Variants in SLC9A9 observed in about 807,000 individuals in gnomAD.
The protein encoded by SLC9A9 is sodium/hydrogen exchanger 9.
Under a neutral mutation model 77.8 loss-of-function variants are expected in SLC9A9, and 62 were observed. The observed-to-expected ratio is 0.80, with a 90% confidence interval of 0.65 to 0.98. The LOEUF is 0.98. SLC9A9 is among the 50% of genes least tolerant of loss of function. The pLI is 0.00. For synonymous variants in SLC9A9, 320 were observed against 283.5 expected, an observed-to-expected ratio of 1.13 and a Z score of -1.29; for missense variants, 775 against 774.9, an observed-to-expected ratio of 1.00 and a Z score of 0.00.
intron 9 of SLC9A9, among the ~76,000 whole-genome samples, chr3:143,499,033 GTGCCA>G (rs1424918326): frequency 2.0e-5 from 3 of 152,190 alleles, no homozygotes; most frequent in African/African-American, 7.2e-5. Flanking sequence ...TTGGGACATA[GTGCCA>G]TGCAGTTTCC....
At chr3:143,275,742 T>C (rs150310723) in intron 14 of SLC9A9, among the ~76,000 whole-genome samples, 2 of 152,336 alleles carry the variant, frequency 1.3e-5, no homozygotes, top group East Asian at 3.9e-4. Flanking sequence ...TGTTATAATT[T>C]TGATTTGTTT....
intron 9 of SLC9A9, among the ~76,000 whole-genome samples, chr3:143,526,407 G>C (rs2036406475): frequency 6.6e-6 from 1 of 152,206 alleles, no homozygotes; most frequent in Non-Finnish European, 1.5e-5. Context: ...CAAGAAAAGA[G>C]GTGGTAATAG....
At chr3:143,504,274 G>A (rs1181817722) in intron 9 of SLC9A9, 5 of 227,966 alleles carry the variant, frequency 2.2e-5, no homozygotes, top group Admixed American at 2.0e-4. Flanking sequence ...CCTTCACCAT[G>A]GTGTCTCAGG....
chr3:143,472,347 C>T (rs1319616017), intron 11 of SLC9A9, among the ~76,000 whole-genome samples: 5 of 152,168 alleles, frequency 3.3e-5, no homozygotes, highest in Admixed American at 2.6e-4. Context: ...TCGTGAGCAT[C>T]GTCATGAACT....
chr3:143,606,030 T>C (rs2037916352), intron 6 of SLC9A9, among the ~76,000 whole-genome samples: 1 of 152,222 alleles, frequency 6.6e-6, no homozygotes, highest in Admixed American at 6.5e-5. Flanking sequence ...TGGGTGCTGC[T>C]TTAACTGACC....
intron 12 of SLC9A9, among the ~76,000 whole-genome samples, chr3:143,386,034 C>T (rs904347369): frequency 4.6e-5 from 7 of 152,208 alleles, no homozygotes; most frequent in Non-Finnish European, 1.0e-4. Context: ...ACCCTGCCTT[C>T]TTTCCTGAAC....
intron 2 of SLC9A9, among the ~76,000 whole-genome samples, chr3:143,806,305 G>A (rs2008712034): frequency 1.3e-5 from 2 of 151,920 alleles, no homozygotes; most frequent in Non-Finnish European, 1.5e-5. Context: ...ATTCCAAACC[G>A]GCCACTCTCT....
intron 14 of SLC9A9, among the ~76,000 whole-genome samples, chr3:143,278,835 A>T (rs1283661687): frequency 6.6e-6 from 1 of 152,102 alleles, no homozygotes; most frequent in Non-Finnish European, 1.5e-5. Flanking sequence ...AAGTAATCCC[A>T]AGTTTTCTGT....
At chr3:143,345,300 G>C (rs2032228726) in intron 14 of SLC9A9, among the ~76,000 whole-genome samples, 1 of 152,134 alleles carries the variant, frequency 6.6e-6, no homozygotes, top group Non-Finnish European at 1.5e-5. Flanking sequence ...ATTAATTCCA[G>C]CATTGAATGG....
At chr3:143,424,110 G>A (rs2034359980) in intron 12 of SLC9A9, among the ~76,000 whole-genome samples, 1 of 152,168 alleles carries the variant, frequency 6.6e-6, no homozygotes, top group Non-Finnish European at 1.5e-5. Context: ...TTAAAGGGCT[G>A]AGTGAACATG....
chr3:143,813,822 A>C (rs1195706841), intron 2 of SLC9A9, among the ~76,000 whole-genome samples: 1 of 152,180 alleles, frequency 6.6e-6, no homozygotes. Context: ...AGGCCATGTG[A>C]ATGTATTACC....
intron 5 of SLC9A9, among the ~76,000 whole-genome samples, chr3:143,661,884 G>T (rs927050845): frequency 2.0e-5 from 3 of 151,786 alleles, no homozygotes; most frequent in Non-Finnish European, 2.9e-5. Context: ...TCCTGTTGGA[G>T]TTGTTCTACT....
chr3:143,308,476 T>C (rs1331788744), intron 14 of SLC9A9, among the ~76,000 whole-genome samples: 1 of 151,630 alleles, frequency 6.6e-6, no homozygotes, highest in Non-Finnish European at 1.5e-5. Context: ...CTTGGGAGGC[T>C]GAGGCAGGAG....
At chr3:143,473,679 T>C (rs1369320836) in intron 11 of SLC9A9, among the ~76,000 whole-genome samples, 2 of 152,238 alleles carry the variant, frequency 1.3e-5, no homozygotes, top group African/African-American at 4.8e-5. Context: ...TAAATCATAG[T>C]CTGAAATGAA....
chr3:143,674,940 G>T lies in SLC9A9; in HGVS notation c.649+18252C>A, dbSNP rs1011607445. Reference sequence around the variant, plus strand: ...TCATTCAGTTTTTATATTCATCGGGGCTGTGGACTAGTGCTACTAGCATCA... The same window carrying T: ...TCATTCAGTTTTTATATTCATCGGGTCTGTGGACTAGTGCTACTAGCATCA... On this transcript the variant is annotated intron_variant, in intron 5 of 15. Coordinates refer to ENST00000316549, the MANE Select transcript of SLC9A9 (RefSeq NM_173653.4). 2.0e-5 allele frequency among the ~76,000 whole-genome samples: 3 copies of T among 152,034 alleles called. No individual in the cohort carries two copies. The East Asian group carries it at 5.8e-4, about 29-fold the overall frequency.
chr3:143,281,171 G>A (rs149557891), intron 14 of SLC9A9, among the ~76,000 whole-genome samples: 24 of 152,290 alleles, frequency 1.6e-4, no homozygotes, highest in Non-Finnish European at 2.4e-4. Flanking sequence ...ACCCAGGGAG[G>A]CCTCCGGTGA....
chr3:143,369,656 A>T (rs899085977), intron 13 of SLC9A9, among the ~76,000 whole-genome samples: 63 of 152,188 alleles, frequency 4.1e-4, no homozygotes, highest in African/African-American at 1.5e-3. Flanking sequence ...TTTAAAATTA[A>T]AAAAAAATCT....
intron 6 of SLC9A9, among the ~76,000 whole-genome samples, chr3:143,619,551 A>T (rs6779887): frequency 0.61 from 92,565 of 152,030 alleles, 28,678 homozygotes; most frequent in African/African-American, 0.72. Context: ...GTATACAATG[A>T]TTTGCGTTGC....
chr3:143,699,614 C>T (rs1406787650), intron 4 of SLC9A9, among the ~76,000 whole-genome samples: 2 of 152,182 alleles, frequency 1.3e-5, no homozygotes, highest in Non-Finnish European at 2.9e-5. Context: ...TCATGCCTTT[C>T]CACAGAGGAA....
Sources: gnomAD v4.1 joint callset for allele counts (sites outside exome capture counted in the v4.1 genomes callset) on GRCh38, gnomAD v4.1.1 for gene constraint, MANE v1.5 for transcripts, NCBI Gene and HGNC (gene_info 2026-07-23, HGNC 2026-07-21) for gene names.